Variants in PAFAH1B1 observed in about 807,000 individuals in gnomAD.
PAFAH1B1 encodes platelet activating factor acetylhydrolase 1b regulatory subunit 1, also known as platelet-activating factor acetylhydrolase IB subunit beta.
PAFAH1B1 carries 2 observed loss-of-function variants against 57.5 expected under a neutral mutation model. That is an observed-to-expected ratio of 0.03 (90% confidence interval 0.01 to 0.11). PAFAH1B1 has a LOEUF of 0.11. PAFAH1B1 is among the 10% of genes least tolerant of loss of function. The pLI is 1.00. For synonymous variants in PAFAH1B1, 152 were observed against 169.6 expected, an observed-to-expected ratio of 0.90 and a Z score of 0.81; for missense variants, 257 against 512.0, an observed-to-expected ratio of 0.50 and a Z score of 4.81.
intron 1 of PAFAH1B1, among the ~76,000 whole-genome samples, chr17:2,616,976 G>A (rs2068351529): frequency 6.6e-6 from 1 of 152,134 alleles, no homozygotes; most frequent in Non-Finnish European, 1.5e-5. Context: ...GGGAGGCTGA[G>A]GCAGGAGAAT....
intron 1 of PAFAH1B1, among the ~76,000 whole-genome samples, chr17:2,597,835 T>G (rs1000815684): frequency 1.3e-5 from 2 of 152,120 alleles, no homozygotes; most frequent in Non-Finnish European, 2.9e-5. Flanking sequence ...ACTTTATGGC[T>G]TATATTTTAA....
chr17:2,600,090 C>T (rs2151607751), intron 1 of PAFAH1B1, among the ~76,000 whole-genome samples: 1 of 143,482 alleles, frequency 7.0e-6, no homozygotes, highest in Non-Finnish European at 1.5e-5. Context: ...AACGATTCTT[C>T]TGCCTCAGTC....
chr17:2,629,602 G>C, intron 1 of PAFAH1B1, among the ~76,000 whole-genome samples: 1 of 152,118 alleles, frequency 6.6e-6, no homozygotes, highest in Middle Eastern at 3.2e-3. Flanking sequence ...AAGTCCATTT[G>C]TTCCAGGGTA....
intron 9 of PAFAH1B1, among the ~76,000 whole-genome samples, chr17:2,676,959 G>A (rs61052443): frequency 6.6e-6 from 1 of 151,986 alleles, no homozygotes; most frequent in Non-Finnish European, 1.5e-5. Context: ...TCAGGAGATC[G>A]AGCTAACTTG....
intron 2 of PAFAH1B1, among the ~76,000 whole-genome samples, chr17:2,656,466 G>A (rs1291162278): frequency 1.3e-5 from 2 of 151,530 alleles, no homozygotes; most frequent in African/African-American, 2.4e-5. Context: ...TTTTCAAAGA[G>A]TGAGGAAAGG....
intron 2 of PAFAH1B1, among the ~76,000 whole-genome samples, chr17:2,652,390 G>C (rs1037134361): frequency 6.6e-6 from 1 of 152,244 alleles, no homozygotes; most frequent in Non-Finnish European, 1.5e-5. Flanking sequence ...ACTCCAGCCT[G>C]GGCGGCAGAG....
At chr17:2,617,681 G>T (rs942419074) in intron 1 of PAFAH1B1, among the ~76,000 whole-genome samples, 1 of 152,170 alleles carries the variant, frequency 6.6e-6, no homozygotes, top group Non-Finnish European at 1.5e-5. Context: ...ACTTTGGGAG[G>T]CTGAGGCAGG....
intron 2 of PAFAH1B1, among the ~76,000 whole-genome samples, chr17:2,647,886 TC>T (rs1347095685): frequency 1.3e-5 from 2 of 151,250 alleles, no homozygotes; most frequent in Admixed American, 1.3e-4. Context: ...CGCCTTTAGT[TC>T]CAGCTACTCG....
intron 2 of PAFAH1B1, among the ~76,000 whole-genome samples, chr17:2,652,409 C>A (rs966326203): frequency 1.3e-5 from 2 of 152,170 alleles, no homozygotes; most frequent in African/African-American, 2.4e-5. Context: ...AGCGAGACTC[C>A]GTCTCAAACA....
intron 1 of PAFAH1B1, among the ~76,000 whole-genome samples, chr17:2,625,783 A>C (rs2068482052): frequency 6.6e-6 from 1 of 152,078 alleles, no homozygotes; most frequent in Non-Finnish European, 1.5e-5. Flanking sequence ...GGGTAAAAAG[A>C]AAAAATTAGC....
At chr17:2,639,251 GCTC>G (rs1411755517) in intron 2 of PAFAH1B1, 1 of 152,142 alleles carries the variant, frequency 6.6e-6, no homozygotes, top group Non-Finnish European at 1.5e-5. Flanking sequence ...GTGCTTCATA[GCTC>G]CTCTAAACCT....
At chr17:2,593,466 T>C (rs868583891), upstream of PAFAH1B1, 1 of 153,048 alleles carries the variant, frequency 6.5e-6, no homozygotes, top group East Asian at 2.0e-4. Flanking sequence ...GCCGGCCGGG[T>C]GGCACCGCTC....
At chr17:2,678,592 A>G (rs1347394501) in intron 9 of PAFAH1B1, among the ~76,000 whole-genome samples, 2 of 151,762 alleles carry the variant, frequency 1.3e-5, no homozygotes, top group African/African-American at 4.8e-5. Flanking sequence ...AAGAAACAAG[A>G]AAAACATACT....
upstream of PAFAH1B1, chr17:2,593,613 G>GCGGCGGCGGCGC (rs2068046930): frequency 4.6e-6 from 1 of 219,390 alleles, no homozygotes; most frequent in East Asian, 1.2e-4. Flanking sequence ...GGCGGCGGCG[G>GCGGCGGCGGCGC]CGGCGCGGTG....
rs764519686 is a variant in PAFAH1B1 at position 2,626,553 on chromosome 17, TCCCCCCCCC to T, written c.-190-11536_-190-11528del. ...AAACTTGAACCGGCATCACCTTTCT[TCCCCCCCCC>T]CCCCCCCCCGAGGCGGAGTCTTGTT... On this transcript the variant is annotated intron_variant, in intron 1 of 10. Transcript: ENST00000397195. Among the ~76,000 whole-genome samples the T allele has an allele frequency of 7.4e-3, 243 of 32,732 alleles. 43 individuals are homozygous for T. Among genetic ancestry groups the T allele is most frequent in the African/African-American group, 0.021 (220 of 10,544 alleles). The allele number at this position is 32,732 out of a possible 152,430, so 21.5% of individuals were successfully genotyped here. A position where few individuals can be genotyped will look rare whatever the true frequency, so the allele number is the denominator to read the frequency against.
Position 2,678,228 on chromosome 17 carries a change from C to CCGGT in PAFAH1B1, c.1002+1623_1002+1624insGGTC, listed in dbSNP as rs756911382. Among the ~76,000 whole-genome samples, 4 of 151,992 alleles carry CCGGT rather than the reference C, an allele frequency of 2.6e-5. No individual in the cohort carries two copies. In the South Asian group the frequency reaches 8.3e-4, roughly 32 times the overall value. On this transcript the variant is annotated intron_variant, in intron 9 of 10. Coordinates refer to ENST00000397195, the MANE Select transcript of PAFAH1B1 (RefSeq NM_000430.4). ...ACCAGCCTGACCAACATGGAGGAAC[C>CCGGT]CCATCGCTGCTAAAAACACAAAATT...
intron 1 of PAFAH1B1, among the ~76,000 whole-genome samples, chr17:2,618,788 C>G (rs1204129929): frequency 6.8e-6 from 1 of 147,908 alleles, no homozygotes; most frequent in African/African-American, 2.5e-5. Flanking sequence ...GCTGGGATTA[C>G]AGGTACTCGC....
intron 1 of PAFAH1B1, among the ~76,000 whole-genome samples, chr17:2,623,887 A>G (rs1021691892): frequency 2.0e-5 from 3 of 147,262 alleles, no homozygotes; most frequent in African/African-American, 7.5e-5. Context: ...GGATCCGCCC[A>G]CCTTGGCGTC....
At chr17:2,651,655 C>A (rs2068851499) in intron 2 of PAFAH1B1, among the ~76,000 whole-genome samples, 1 of 137,726 alleles carries the variant, frequency 7.3e-6, no homozygotes, top group South Asian at 2.2e-4. Context: ...GTTTTGTAAA[C>A]CTCCTTGCTT....
Sources: allele counts gnomAD v4.1 joint callset (sites outside exome capture counted in the v4.1 genomes callset), GRCh38; gene constraint gnomAD v4.1.1; transcripts MANE v1.5; gene names NCBI Gene and HGNC (gene_info 2026-07-23, HGNC 2026-07-21).